Variants in PIP4K2B observed in about 807,000 individuals in gnomAD.
PIP4K2B encodes phosphatidylinositol-5-phosphate 4-kinase type 2 beta.
Under a neutral mutation model 42.0 loss-of-function variants are expected in PIP4K2B, and 3 were observed. The observed-to-expected ratio is 0.07, with a 90% CI of 0.03 to 0.18. The LOEUF (loss-of-function observed/expected upper bound fraction) is 0.18, where lower values mean the gene tolerates loss of function less well. Ranked by LOEUF, PIP4K2B falls within the 10% of genes least tolerant of loss-of-function variation. PIP4K2B has a pLI of 1.00. For missense variants in PIP4K2B, 332 were observed against 562.3 expected, an observed-to-expected ratio of 0.59 and a Z score of 4.14; for synonymous variants, 204 against 210.1, an observed-to-expected ratio of 0.97 and a Z score of 0.25.
At chr17:38,786,602 A>T (rs1910024985) in intron 2 of PIP4K2B, among the ~76,000 whole-genome samples, 1 of 152,210 alleles carries the variant, frequency 6.6e-6, no homozygotes, top group South Asian at 2.1e-4. Flanking sequence ...CCCAAGGGCC[A>T]CCGGAGGTAG....
At position 38,792,444 on chromosome 17, in the gene PIP4K2B, T is replaced by C. The variant is rs185258784; in HGVS notation, c.160-5524A>G. Among the ~76,000 whole-genome samples, 46 of 152,296 alleles carry C rather than the reference T, an allele frequency of 3.0e-4. No individual in the cohort carries two copies. In the East Asian group the frequency reaches 7.7e-3, roughly 26 times the overall value. On this transcript the variant is annotated intron_variant, in intron 1 of 9. Transcript: ENST00000619039. ...ATTCTGTTGTACATATACAACAGAA[T>C]ACTATTCAGCCTTTAAAAAAAAGAA...
chr17:38,794,170 G>A (rs1359918910), intron 1 of PIP4K2B, among the ~76,000 whole-genome samples: 3 of 152,158 alleles, frequency 2.0e-5, no homozygotes, highest in Admixed American at 6.5e-5. Context: ...AGGAAATTCT[G>A]CTATGTGCAA....
intron 3 of PIP4K2B, among the ~76,000 whole-genome samples, chr17:38,782,286 A>C (rs1567657940): frequency 6.6e-6 from 1 of 152,188 alleles, no homozygotes; most frequent in East Asian, 1.9e-4. Context: ...GTAGTCCAAG[A>C]ATATAGGGTC....
In PIP4K2B at chr17:38,766,138, C is replaced by T. The variant is rs1402939481; in HGVS notation, c.*3553G>A. 1 of 152,290 alleles carries T rather than the reference C, an allele frequency of 6.6e-6. No homozygotes were observed. The highest frequency in any genetic ancestry group is 1.9e-4 in the East Asian group (1 of 5,190). 9.4% of individuals were successfully genotyped at this position (152,290 alleles called of 1,614,324 possible). On this transcript the variant is annotated 3_prime_UTR_variant, in exon 10 of 10. Transcript: ENST00000619039. ...CCCATGGGGCACTCTTCATAAGTGG[C>T]ACATTCTAGAGGAGGGAGAGGGCCA...
At chr17:38,772,276 A>G (rs1004006889) in intron 7 of PIP4K2B, among the ~76,000 whole-genome samples, 2 of 152,214 alleles carry the variant, frequency 1.3e-5, no homozygotes, top group African/African-American at 4.8e-5. Context: ...AAAATATTAA[A>G]TGGAAAATTC....
intron 7 of PIP4K2B, among the ~76,000 whole-genome samples, chr17:38,776,397 T>A (rs1287367316): frequency 6.6e-6 from 1 of 152,128 alleles, no homozygotes; most frequent in Non-Finnish European, 1.5e-5. Context: ...GAGTTTCAGC[T>A]GGGAAAGATA....
chr17:38,786,748 A>T, intron 2 of PIP4K2B, 75 bp downstream of exon 2: 1 of 932,110 alleles, frequency 1.1e-6, no homozygotes, highest in Non-Finnish European at 1.8e-6. Flanking sequence ...CCCACCATGC[A>T]TGAGGCTTCA....
chr17:38,782,756 C>A (rs1490409680), intron 3 of PIP4K2B, among the ~76,000 whole-genome samples: 2 of 152,136 alleles, frequency 1.3e-5, no homozygotes, highest in African/African-American at 2.4e-5. Flanking sequence ...CTGCTGTGAA[C>A]TACTCTATCA....
intron 1 of PIP4K2B, among the ~76,000 whole-genome samples, chr17:38,790,918 G>T (rs187600933): frequency 6.6e-6 from 1 of 152,070 alleles, no homozygotes; most frequent in African/African-American, 2.4e-5. Flanking sequence ...TTATATCCCA[G>T]AGAGTTCTAT....
At chr17:38,787,975 T>C (rs1169778556) in intron 1 of PIP4K2B, among the ~76,000 whole-genome samples, 1 of 152,190 alleles carries the variant, frequency 6.6e-6, no homozygotes, top group East Asian at 1.9e-4. Flanking sequence ...CTAGCATATA[T>C]GGCAGATACT....
intron 2 of PIP4K2B, among the ~76,000 whole-genome samples, chr17:38,786,099 G>A (rs1909996454): frequency 6.6e-6 from 1 of 152,214 alleles, no homozygotes; most frequent in Non-Finnish European, 1.5e-5. Context: ...TGGGGTGACA[G>A]AACCCAGCTA....
rs893641145 is a variant in PIP4K2B at position 38,768,462 on chromosome 17, A to C, written c.*1229T>G. On this transcript the variant is annotated 3_prime_UTR_variant, in exon 10 of 10. Coordinates refer to ENST00000619039, the MANE Select transcript of PIP4K2B (RefSeq NM_003559.5). ...AACCCACATCAAGCCTCCAAACTGG[A>C]TTTCCTGGATCACATCCTCATGTAA... 6.5e-6 allele frequency: 1 copy of C among 152,840 alleles called. No individual in the cohort carries two copies. Among genetic ancestry groups the C allele is most frequent in the Non-Finnish European group, 1.5e-5 (1 of 68,064 alleles). The allele number at this position is 152,840 out of a possible 1,614,324, so 9.5% of individuals were successfully genotyped here. A position where few individuals can be genotyped will look rare whatever the true frequency, so the allele number is the denominator to read the frequency against.
rs755308550 is a variant in PIP4K2B, at chr17:38,784,315, C to T, written c.282G>A (p.Lys94=). ...ACACCATGGGGCAATACTCCTTAAACTTAAAGCGGCTGGGCAGGTTCTCCC... is the reference window on the plus strand; with the variant it reads ...ACACCATGGGGCAATACTCCTTAAATTTAAAGCGGCTGGGCAGGTTCTCCC... ...FNKENLPSRF[K]FKEYCPMVFR... Residue 94 remains lysine, a synonymous_variant, in exon 3 of 10, where the codon AAG becomes AAA. Transcript: ENST00000619039. 6.2e-7 allele frequency: 1 copy of T among 1,613,566 alleles called. No individual in the cohort carries two copies. The highest frequency in any genetic ancestry group is 1.7e-5 in the Admixed American group (1 of 60,020).
chr17:38,785,494 T>C (rs1346590430), intron 2 of PIP4K2B, among the ~76,000 whole-genome samples: 1 of 152,034 alleles, frequency 6.6e-6, no homozygotes, highest in African/African-American at 2.4e-5. Flanking sequence ...CTGGCCAACA[T>C]GGTGAAACCC....
chr17:38,769,353 T>G lies in PIP4K2B; in HGVS notation c.*338A>C. 3.8e-6 allele frequency: 1 copy of G among 265,928 alleles called. No individual in the cohort carries two copies. Among genetic ancestry groups the G allele is most frequent in the Admixed American group, 4.9e-5 (1 of 20,218 alleles). The allele number at this position is 265,928 out of a possible 1,614,324, so 16.5% of individuals were successfully genotyped here. The stretch of plus-strand genomic sequence containing the variant: ...TGAAATTTCAGAAACAAAACCCAAA[T>G]AAACCCACGAAGTCATCTCTAGCCC... On this transcript the variant is annotated 3_prime_UTR_variant, in exon 10 of 10. Transcript: ENST00000619039.
intron 2 of PIP4K2B, among the ~76,000 whole-genome samples, chr17:38,784,896 T>C (rs759103941): frequency 2.6e-5 from 4 of 152,184 alleles, no homozygotes; most frequent in South Asian, 2.1e-4. Context: ...CATGTGAACA[T>C]CTGCTGTGAG....
At chr17:38,786,621 T>A (rs1327441440) in intron 2 of PIP4K2B, among the ~76,000 whole-genome samples, 1 of 152,200 alleles carries the variant, frequency 6.6e-6, no homozygotes, top group Non-Finnish European at 1.5e-5. Flanking sequence ...AGGCTGATAA[T>A]AGAGTGAGAC....
In PIP4K2B at chr17:38,769,728, T is replaced by C. The variant is rs369204968; in HGVS notation, c.1214A>G (p.Lys405Arg). The C allele has an allele frequency of 2.5e-6, 4 of 1,611,018 alleles. No homozygotes were observed. In the African/African-American group the frequency reaches 5.3e-5, roughly 22 times the overall value. Residue 405 changes from lysine to arginine, a missense_variant, in exon 10 of 10, where the codon AAA becomes AGA. Physicochemically the swap from Lys to Arg is conservative, Grantham distance 26. Transcript: ENST00000619039. ...ISTVNPEQYS[K>R]RFNEFMSNIL... ...GTTGGACATAAACTCGTTGAAGCGT[T>C]TGGAGTACTGCTCAGGGTTCACAGT...
chr17:38,799,051 G>A lies in PIP4K2B; in HGVS notation c.159+215C>T, dbSNP rs1910807157. Among the ~76,000 whole-genome samples, 1 of 151,860 alleles carries A rather than the reference G, an allele frequency of 6.6e-6. No individual in the cohort carries two copies. ...CCAGAAGGGCTGGAGGGAAGGGGAG[G>A]TGGCGACGGCAGACCACAGAGACAC... On this transcript the variant is annotated intron_variant, in intron 1 of 9. Transcript: ENST00000619039. This position sits in a 1 kb window ranked among gnomAD's most constrained non-coding sequence, Gnocchi z 4.4.
Sources: gnomAD v4.1 joint callset for allele counts (sites outside exome capture counted in the v4.1 genomes callset) on GRCh38, gnomAD v4.1.1 for gene constraint, Gnocchi (gnomAD v3.1) non-coding constraint, MANE v1.5 for transcripts, NCBI Gene and HGNC (gene_info 2026-07-23, HGNC 2026-07-21) for gene names.